MYO16: variants seen among roughly 807,000 people sequenced by gnomAD.
MYO16 encodes unconventional myosin-XVI.
Under a neutral mutation model 205.3 loss-of-function variants are expected in MYO16, and 94 were observed. The observed-to-expected ratio is 0.46, with a 90% CI of 0.39 to 0.54. The LOEUF is 0.54. Ranked by LOEUF, MYO16 falls within the 20% of genes least tolerant of loss-of-function variation. The pLI, the probability that MYO16 is intolerant of heterozygous loss-of-function variation, is 0.00. For missense variants in MYO16, 2,315 were observed against 2,387.5 expected (o/e 0.97, Z 0.63); for synonymous variants, 988 against 954.0 (o/e 1.04, Z -0.66).
chr13:108,532,387 G>A, the MYO16 span, among the ~76,000 whole-genome samples: 11 of 151,686 alleles, frequency 7.3e-5, no homozygotes, highest in Non-Finnish European at 1.5e-4. Flanking sequence ...TTTGAACAGA[G>A]TAGTGATATC....
At chr13:109,119,265 A>G (rs1306841599) in intron 28 of MYO16, among the ~76,000 whole-genome samples, 1 of 152,196 alleles carries the variant, frequency 6.6e-6, no homozygotes, top group Admixed American at 6.5e-5. Flanking sequence ...GATGTATGGC[A>G]TAGGCTAGGG....
intron 30 of MYO16, among the ~76,000 whole-genome samples, chr13:109,126,914 C>T (rs1876279604): frequency 6.6e-6 from 1 of 152,202 alleles, no homozygotes; most frequent in Non-Finnish European, 1.5e-5. Flanking sequence ...AATTATCATT[C>T]AGATTGAAAT....
the MYO16 span, among the ~76,000 whole-genome samples, chr13:108,553,465 A>G: frequency 3.3e-5 from 5 of 152,272 alleles, no homozygotes; most frequent in East Asian, 9.7e-4. Flanking sequence ...AGTCTGGATG[A>G]GAAGCCCCAG....
upstream of MYO16, among the ~76,000 whole-genome samples, chr13:108,592,223 G>T (rs1348270026): frequency 9.7e-6 from 1 of 102,964 alleles, no homozygotes; most frequent in Non-Finnish European, 2.0e-5. Context: ...GTGTTGGGGT[G>T]GGGGGAGCTG....
In MYO16 at chr13:108,901,455, C is replaced by A. The variant is rs551021481; in HGVS notation, c.1777+3322C>A. 5.3e-5 allele frequency among the ~76,000 whole-genome samples: 8 copies of A among 152,268 alleles called. No individual in the cohort carries two copies. In the South Asian group the frequency reaches 1.7e-3, roughly 32 times the overall value. On this transcript the variant is annotated intron_variant, in intron 15 of 34. Coordinates refer to ENST00000457511, the MANE Select transcript of MYO16 (RefSeq NM_001198950.3). Reference sequence around the variant, plus strand: ...GACTCTTAGGGAAATTAGAAAAGAACCTACGTGAAATATCGGGGGTGAATT... The same window carrying A: ...GACTCTTAGGGAAATTAGAAAAGAAACTACGTGAAATATCGGGGGTGAATT...
At chr13:108,619,650 A>G (rs1212014179) in intron 1 of MYO16, among the ~76,000 whole-genome samples, 5 of 152,170 alleles carry the variant, frequency 3.3e-5, no homozygotes, top group Non-Finnish European at 7.4e-5. Flanking sequence ...AACCTGGCCA[A>G]GAAGAAAGGG....
At chr13:108,651,601 A>C (rs1387295012) in intron 1 of MYO16, among the ~76,000 whole-genome samples, 1 of 152,228 alleles carries the variant, frequency 6.6e-6, no homozygotes, top group Non-Finnish European at 1.5e-5. Flanking sequence ...TTCTCTTACC[A>C]GATAAACATG....
At chr13:109,093,953 C>T (rs1395832806) in intron 27 of MYO16, among the ~76,000 whole-genome samples, 1 of 152,102 alleles carries the variant, frequency 6.6e-6, no homozygotes, top group Non-Finnish European at 1.5e-5. Flanking sequence ...TGACAGTCAC[C>T]TACAGGATTC....
intron 9 of MYO16, among the ~76,000 whole-genome samples, chr13:108,826,502 A>G (rs989146297): frequency 1.1e-4 from 17 of 152,144 alleles, no homozygotes; most frequent in African/African-American, 4.1e-4. Flanking sequence ...ACTTTGGATG[A>G]GGCAATGGTT....
intron 15 of MYO16, among the ~76,000 whole-genome samples, chr13:108,899,555 AG>A (rs1330388484): frequency 2.6e-5 from 4 of 152,248 alleles, no homozygotes; most frequent in Non-Finnish European, 5.9e-5. Context: ...AGAGTTCTGA[AG>A]GTCTGCCATT....
At chr13:108,661,060 A>G (rs1881480256) in intron 1 of MYO16, among the ~76,000 whole-genome samples, 1 of 152,270 alleles carries the variant, frequency 6.6e-6, no homozygotes, top group East Asian at 1.9e-4. Context: ...TTCTCTGGAT[A>G]CAAAATTCTT....
At chr13:108,520,518 G>A in the MYO16 span, among the ~76,000 whole-genome samples, 1 of 152,048 alleles carries the variant, frequency 6.6e-6, no homozygotes, top group Non-Finnish European at 1.5e-5. Context: ...CTCATTTGGG[G>A]AATTATTAAT....
chr13:108,519,739 A>T, the MYO16 span, among the ~76,000 whole-genome samples: 1 of 152,108 alleles, frequency 6.6e-6, no homozygotes, highest in South Asian at 2.1e-4. Context: ...TCTAAGCATT[A>T]TGCAAAAATA....
chr13:108,772,686 T>G (rs1466285942), intron 4 of MYO16, among the ~76,000 whole-genome samples: 1 of 152,196 alleles, frequency 6.6e-6, no homozygotes, highest in African/African-American at 2.4e-5. Flanking sequence ...GATGTTGAAT[T>G]TTCTGGTTTT....
chr13:109,188,713 G>A (rs184294158), intron 34 of MYO16, among the ~76,000 whole-genome samples: 11 of 152,258 alleles, frequency 7.2e-5, no homozygotes, highest in East Asian at 1.9e-4. Flanking sequence ...TCTTTAATCC[G>A]TGACCAAAGG....
At chr13:108,825,413 C>CA (rs1876198192) in intron 9 of MYO16, among the ~76,000 whole-genome samples, 1 of 150,664 alleles carries the variant, frequency 6.6e-6, no homozygotes, top group Admixed American at 6.6e-5. Flanking sequence ...GGGCAAGTAC[C>CA]AAAAAATAAA....
intron 1 of MYO16, among the ~76,000 whole-genome samples, chr13:108,645,259 A>G (rs1422254705): frequency 1.3e-5 from 2 of 152,238 alleles, no homozygotes; most frequent in Non-Finnish European, 2.9e-5. Flanking sequence ...TTACAATAGT[A>G]TTTGGTAAAA....
At chr13:108,571,411 G>A in the MYO16 span, among the ~76,000 whole-genome samples, 1 of 152,118 alleles carries the variant, frequency 6.6e-6, no homozygotes, top group Admixed American at 6.6e-5. Context: ...ATGTCATGAT[G>A]TTGATAACTG....
At position 108,952,316 on chromosome 13, in the gene MYO16, G is replaced by A. The variant is rs115003772; in HGVS notation, c.1926-5372G>A. Among the ~76,000 whole-genome samples, 507 of 152,168 alleles carry A rather than the reference G, an allele frequency of 3.3e-3. 4 individuals are homozygous for A. The highest frequency in any genetic ancestry group is 0.011 in the African/African-American group (465 of 41,520). On this transcript the variant is annotated intron_variant, in intron 16 of 34. Coordinates refer to ENST00000457511, the MANE Select transcript of MYO16 (RefSeq NM_001198950.3). ...GGTGGAACAGAAAGACCTTCAGTGCGTCCCATCCGCCTTGCAGGAAACTCC... is the reference window on the plus strand; with the variant it reads ...GGTGGAACAGAAAGACCTTCAGTGCATCCCATCCGCCTTGCAGGAAACTCC...
Sources: allele counts gnomAD v4.1 joint callset (sites outside exome capture counted in the v4.1 genomes callset), GRCh38; gene constraint gnomAD v4.1.1; transcripts MANE v1.5; gene names NCBI Gene and HGNC (gene_info 2026-07-23, HGNC 2026-07-21).